Variants in TMTC1 observed in about 807,000 individuals in gnomAD.
TMTC1 encodes the protein transmembrane O-mannosyltransferase targeting cadherins 1.
Under a neutral mutation model 104.8 loss-of-function variants are expected in TMTC1, and 73 were observed. The observed-to-expected ratio is 0.70, with a 90% CI of 0.58 to 0.85. The LOEUF (loss-of-function observed/expected upper bound fraction) is 0.85, where lower values mean the gene tolerates loss of function less well. TMTC1 is among the 40% of genes least tolerant of loss of function. The pLI is 0.00. For synonymous variants in TMTC1, 434 were observed against 428.7 expected (o/e 1.01, Z -0.15); for missense variants, 1,035 against 1,096.1 (o/e 0.94, Z 0.79).
At chr12:29,726,558 G>A (rs1056831240) in intron 5 of TMTC1, among the ~76,000 whole-genome samples, 1 of 152,138 alleles carries the variant, frequency 6.6e-6, no homozygotes, top group African/African-American at 2.4e-5. Context: ...CAGACCGACT[G>A]CCTTTCTCCA....
At chr12:29,731,343 G>C (rs1304687425) in intron 5 of TMTC1, among the ~76,000 whole-genome samples, 3 of 152,130 alleles carry the variant, frequency 2.0e-5, no homozygotes, top group Non-Finnish European at 4.4e-5. Context: ...CTTTAGTAGA[G>C]ACGGCGTTTC....
chr12:29,592,551 T>C lies in TMTC1; in HGVS notation c.1251-8977A>G, dbSNP rs1946308434. The stretch of plus-strand genomic sequence containing the variant: ...GCCAATGCTTTCACCTTCTGAGAAC[T>C]TCCCTAATTTTCTTTTACTCCTCTC... On this transcript the variant is annotated intron_variant, in intron 7 of 17. Coordinates refer to ENST00000539277, the MANE Select transcript of TMTC1 (RefSeq NM_001193451.2). Among the ~76,000 whole-genome samples the C allele has an allele frequency of 3.3e-5, 5 of 152,308 alleles. No homozygotes were observed. The South Asian group carries it at 8.3e-4, about 25-fold the overall frequency.
intron 5 of TMTC1, among the ~76,000 whole-genome samples, chr12:29,644,090 A>AATTTATATATAAATATAAATATAAAT (rs1565734953): frequency 3.5e-4 from 19 of 53,804 alleles, no homozygotes; most frequent in African/African-American, 1.4e-3. Context: ...TATAAATATA[A>AATTTATATATAAATATAAATATAAAT]ATATAAATAT....
At chr12:29,740,738 C>T (rs1202320877) in intron 5 of TMTC1, among the ~76,000 whole-genome samples, 2 of 152,040 alleles carry the variant, frequency 1.3e-5, no homozygotes, top group African/African-American at 4.8e-5. Flanking sequence ...TTCCATGGTG[C>T]TAGGATTGTA....
intron 5 of TMTC1, chr12:29,658,863 T>C (rs1407245480): frequency 6.6e-6 from 1 of 152,302 alleles, no homozygotes; most frequent in Non-Finnish European, 1.5e-5. Context: ...CTTAAAACAT[T>C]ATAGCAACAA....
chr12:29,644,703 G>A (rs1399612318), intron 5 of TMTC1, among the ~76,000 whole-genome samples: 2 of 152,014 alleles, frequency 1.3e-5, no homozygotes, highest in African/African-American at 4.8e-5. Flanking sequence ...CTGCTCAGGG[G>A]CTTCTTGTGC....
chr12:29,622,940 AC>A (rs1937751937), intron 6 of TMTC1, among the ~76,000 whole-genome samples: 1 of 152,200 alleles, frequency 6.6e-6, no homozygotes, highest in Non-Finnish European at 1.5e-5. Flanking sequence ...CAAACTAGAA[AC>A]AATCTCTAAA....
At chr12:29,759,432 TGC>T (rs1490314845) in intron 2 of TMTC1, among the ~76,000 whole-genome samples, 2 of 152,106 alleles carry the variant, frequency 1.3e-5, no homozygotes, top group Non-Finnish European at 2.9e-5. Flanking sequence ...TGGAGGTCAA[TGC>T]TGCAGTGAGC....
intron 5 of TMTC1, among the ~76,000 whole-genome samples, chr12:29,703,143 C>CAA (rs201319751): frequency 3.2e-4 from 24 of 75,700 alleles, no homozygotes; most frequent in East Asian, 1.7e-3. Context: ...GACTCAGTCT[C>CAA]AAAAAAAAAA....
intron 5 of TMTC1, among the ~76,000 whole-genome samples, chr12:29,679,736 A>T (rs1385178216): frequency 1.3e-5 from 2 of 152,128 alleles, no homozygotes; most frequent in African/African-American, 4.8e-5. Flanking sequence ...GAAGGAGAAA[A>T]AGAAGAAAGG....
At chr12:29,703,514 A>T (rs1425704628) in intron 5 of TMTC1, among the ~76,000 whole-genome samples, 1 of 152,216 alleles carries the variant, frequency 6.6e-6, no homozygotes, top group Non-Finnish European at 1.5e-5. Flanking sequence ...TTATTGATTT[A>T]AAATAATTTT....
chr12:29,548,576 G>C (rs1945003287), intron 10 of TMTC1, among the ~76,000 whole-genome samples: 1 of 152,016 alleles, frequency 6.6e-6, no homozygotes, highest in Admixed American at 6.6e-5. Context: ...TGCCATGTAA[G>C]ATGTGTCTTT....
intron 9 of TMTC1, among the ~76,000 whole-genome samples, chr12:29,568,435 A>G (rs1351455176): frequency 6.6e-6 from 1 of 152,222 alleles, no homozygotes; most frequent in Non-Finnish European, 1.5e-5. Flanking sequence ...GAAAAATCTC[A>G]GTCTACTCAA....
intron 5 of TMTC1, among the ~76,000 whole-genome samples, chr12:29,691,463 A>ACCCGTTCC: frequency 9.2e-6 from 1 of 109,000 alleles, no homozygotes; most frequent in Non-Finnish European, 2.0e-5. Flanking sequence ...GGTTTCCCAC[A>ACCCGTTCC]CAGCTGGCTC....
intron 5 of TMTC1, among the ~76,000 whole-genome samples, chr12:29,648,011 A>G (rs1939346448): frequency 6.6e-6 from 1 of 152,202 alleles, no homozygotes; most frequent in Admixed American, 6.5e-5. Context: ...TGCAGAAGCC[A>G]TACTTGGGCT....
chr12:29,619,717 C>A (rs749681850), intron 6 of TMTC1, among the ~76,000 whole-genome samples: 17 of 152,192 alleles, frequency 1.1e-4, no homozygotes, highest in Non-Finnish European at 1.9e-4. Flanking sequence ...TTGCAATAGC[C>A]ATTTGTAAAT....
At chr12:29,636,663 C>A (rs573837561) in intron 5 of TMTC1, among the ~76,000 whole-genome samples, 2 of 151,802 alleles carry the variant, frequency 1.3e-5, no homozygotes, top group East Asian at 3.9e-4. Context: ...ACTAAAAATA[C>A]AAAAATTAGC....
At chr12:29,531,249 T>C (rs974311215) in intron 11 of TMTC1, among the ~76,000 whole-genome samples, 1 of 152,200 alleles carries the variant, frequency 6.6e-6, no homozygotes, top group Non-Finnish European at 1.5e-5. Flanking sequence ...CAAGTTGACT[T>C]AGCCCCACAC....
intron 5 of TMTC1, among the ~76,000 whole-genome samples, chr12:29,644,074 GATAAATATAAATATA>G (rs1939135645): frequency 5.6e-5 from 2 of 35,902 alleles, no homozygotes; most frequent in Admixed American, 5.6e-4. Context: ...ATAATTTATA[GATAAATATAAATATA>G]AATATAAATA....
Sources: allele counts gnomAD v4.1 joint callset (sites outside exome capture counted in the v4.1 genomes callset), GRCh38; gene constraint gnomAD v4.1.1; transcripts MANE v1.5; gene names NCBI Gene and HGNC (gene_info 2026-07-23, HGNC 2026-07-21).